The following PREX1 variants were observed in gnomAD, a reference collection of about 807,000 sequenced individuals.
PREX1 encodes phosphatidylinositol-3,4,5-trisphosphate dependent Rac exchange factor 1, also known as phosphatidylinositol 3,4,5-trisphosphate-dependent Rac exchanger 1 protein.
A neutral mutation model predicts 198.3 loss-of-function variants in PREX1; 41 were observed. The observed-to-expected ratio is 0.21, with a 90% CI of 0.16 to 0.27. The LOEUF (loss-of-function observed/expected upper bound fraction) is 0.27, where lower values mean the gene tolerates loss of function less well. PREX1 is among the 10% of genes least tolerant of loss of function. The pLI, the probability that PREX1 is intolerant of heterozygous loss-of-function variation, is 1.00. For missense variants in PREX1, 1,620 were observed against 2,200.7 expected (o/e 0.74, Z 5.28); for synonymous variants, 843 against 887.2 (o/e 0.95, Z 0.89).
chr20:48,655,908 C>A (rs2089539468), intron 18 of PREX1, among the ~76,000 whole-genome samples: 2 of 152,174 alleles, frequency 1.3e-5, no homozygotes, highest in African/African-American at 2.4e-5. Context: ...CAGTACCCTG[C>A]CCACATCCCC....
In PREX1 at chr20:48,706,865, C is replaced by A. The variant is rs568557739; in HGVS notation, c.783+1395G>T. ...AGGAGCCAGGAATCCAGGCCGAGGG[C>A]CCCAGGAAACCAGCCACAATGCAGA... is the stretch of plus-strand genomic sequence containing the variant. On this transcript the variant is annotated intron_variant, in intron 6 of 39. Coordinates refer to ENST00000371941, the MANE Select transcript of PREX1 (RefSeq NM_020820.4). 2.0e-5 allele frequency among the ~76,000 whole-genome samples: 3 copies of A among 152,290 alleles called. No homozygotes were observed. The East Asian group carries it at 5.8e-4, about 29-fold the overall frequency.
chr20:48,738,537 G>A (rs749324614), intron 3 of PREX1, among the ~76,000 whole-genome samples: 79 of 152,314 alleles, frequency 5.2e-4, no homozygotes, highest in Middle Eastern at 3.4e-3. Flanking sequence ...ATACGGAAAC[G>A]CTGCTCTTGA....
intron 7 of PREX1, among the ~76,000 whole-genome samples, chr20:48,699,260 C>T (rs2089862731): frequency 3.3e-5 from 5 of 152,166 alleles, no homozygotes; most frequent in Admixed American, 2.6e-4. Flanking sequence ...AAGACCTGGA[C>T]CTCAGGCCTC....
chr20:48,692,903 G>T, intron 7 of PREX1, 113 bp from the exon 8 acceptor site: 1 of 869,818 alleles, frequency 1.1e-6, no homozygotes, highest in Non-Finnish European at 1.9e-6. Flanking sequence ...ACAGAGAGGA[G>T]CCCCAGGTAG....
chr20:48,854,171 G>A, the PREX1 span, among the ~76,000 whole-genome samples: 1 of 152,172 alleles, frequency 6.6e-6, no homozygotes, highest in Non-Finnish European at 1.5e-5. Context: ...TGGAGCTGGT[G>A]TGAGTGTAGT....
the PREX1 span, among the ~76,000 whole-genome samples, chr20:48,877,281 AAAAG>A: frequency 6.6e-6 from 1 of 152,076 alleles, no homozygotes; most frequent in African/African-American, 2.4e-5. Context: ...CAAAAAAAAA[AAAAG>A]AAAGAAAAAA....
intron 1 of PREX1, among the ~76,000 whole-genome samples, chr20:48,764,781 C>CAAAAA (rs1182093484): frequency 3.7e-5 from 3 of 81,150 alleles, no homozygotes; most frequent in Non-Finnish European, 5.4e-5. Context: ...GACTCTTTCT[C>CAAAAA]AAAAAAAAAA....
chr20:48,746,941 AACACACACACACACACACAC>A (rs57506374), intron 2 of PREX1, among the ~76,000 whole-genome samples: 6,036 of 117,692 alleles, frequency 0.051, 339 homozygotes, highest in African/African-American at 0.085. Flanking sequence ...CCAGTGCATG[AACACACACACACACACACAC>A]ACACACACAC....
intron 5 of PREX1, among the ~76,000 whole-genome samples, chr20:48,719,607 A>C (rs2089976927): frequency 6.6e-6 from 1 of 152,204 alleles, no homozygotes. Context: ...AAAAACTCCA[A>C]AGAGATAACC....
intron 1 of PREX1, among the ~76,000 whole-genome samples, chr20:48,798,044 G>T (rs2090371052): frequency 6.6e-6 from 1 of 152,204 alleles, no homozygotes; most frequent in African/African-American, 2.4e-5. Flanking sequence ...GGGTTGGGAA[G>T]AAGTCACGTA....
the PREX1 span, among the ~76,000 whole-genome samples, chr20:48,862,807 A>ATATATATATATATATG: frequency 1.9e-4 from 24 of 126,666 alleles, no homozygotes; most frequent in African/African-American, 7.4e-4. Context: ...ATATATATAT[A>ATATATATATATATATG]TATATACTAA....
At chr20:48,643,246 G>A (rs1055720503) in intron 27 of PREX1, among the ~76,000 whole-genome samples, 6 of 152,192 alleles carry the variant, frequency 3.9e-5, no homozygotes, top group African/African-American at 9.7e-5. Flanking sequence ...CGGGGCAGGC[G>A]GATCACAAGG....
chr20:48,633,791 G>A (rs2089334844), intron 33 of PREX1, among the ~76,000 whole-genome samples: 1 of 152,198 alleles, frequency 6.6e-6, no homozygotes, highest in African/African-American at 2.4e-5. Flanking sequence ...AGGGCCCAGG[G>A]CCCTGGGATC....
intron 3 of PREX1, among the ~76,000 whole-genome samples, chr20:48,742,510 C>T (rs752948317): frequency 3.3e-5 from 5 of 152,106 alleles, no homozygotes; most frequent in Non-Finnish European, 5.9e-5. Flanking sequence ...CTCTAAAATG[C>T]TTGATCTCCC....
chr20:48,651,859 C>A (rs535240853), intron 21 of PREX1, among the ~76,000 whole-genome samples: 7 of 152,312 alleles, frequency 4.6e-5, no homozygotes, highest in Admixed American at 1.3e-4. Flanking sequence ...GGGAATAGCC[C>A]CTTGGAGGAG....
At chr20:48,678,015 C>T (rs1245158729) in intron 13 of PREX1, among the ~76,000 whole-genome samples, 1 of 151,056 alleles carries the variant, frequency 6.6e-6, no homozygotes, top group African/African-American at 2.4e-5. Context: ...AAAGAAAAAA[C>T]CAAACATATA....
chr20:48,840,270 C>T, the PREX1 span, among the ~76,000 whole-genome samples: 1 of 151,642 alleles, frequency 6.6e-6, no homozygotes, highest in South Asian at 2.1e-4. Flanking sequence ...CTGCCTTGGC[C>T]TCCCAAAGTG....
chr20:48,640,910 G>T, intron 29 of PREX1, among the ~76,000 whole-genome samples: 1 of 149,376 alleles, frequency 6.7e-6, no homozygotes, highest in Admixed American at 6.7e-5. Context: ...TGGATGGATA[G>T]ATGGTAAGTG....
intron 5 of PREX1, among the ~76,000 whole-genome samples, chr20:48,712,916 G>C (rs2089939776): frequency 6.6e-6 from 1 of 152,186 alleles, no homozygotes; most frequent in African/African-American, 2.4e-5. Flanking sequence ...ACGAGGTCAG[G>C]AGTTCGAGAC....
Sources: allele counts gnomAD v4.1 joint callset (sites outside exome capture counted in the v4.1 genomes callset), GRCh38; gene constraint gnomAD v4.1.1; transcripts MANE v1.5; gene names NCBI Gene and HGNC (gene_info 2026-07-23, HGNC 2026-07-21).